Variants in SRGAP3 observed in about 807,000 individuals in gnomAD.
The protein encoded by SRGAP3 is SLIT-ROBO Rho GTPase activating protein 3, also known as SLIT-ROBO Rho GTPase-activating protein 3.
A neutral mutation model predicts 121.1 loss-of-function variants in SRGAP3; 39 were observed. The ratio of observed to expected loss-of-function variants is 0.32; its 90% confidence interval spans 0.25 to 0.42. The LOEUF is 0.42. Among genes scored for constraint, SRGAP3 ranks in the 10% least tolerant of loss-of-function variants. The pLI, the probability that SRGAP3 is intolerant of heterozygous loss-of-function variation, is 1.00. For synonymous variants in SRGAP3, 601 were observed against 570.0 expected, an observed-to-expected ratio of 1.05 and a Z score of -0.77; for missense variants, 1,213 against 1,470.6, an observed-to-expected ratio of 0.82 and a Z score of 2.86.
intron 2 of SRGAP3, among the ~76,000 whole-genome samples, chr3:9,114,441 A>G (rs73017502): frequency 0.068 from 10,346 of 152,170 alleles, 414 homozygotes; most frequent in African/African-American, 0.083. Flanking sequence ...CTCCATTACT[A>G]CTTTCTCCTT....
chr3:9,220,082 T>C (rs1289527256), intron 1 of SRGAP3, among the ~76,000 whole-genome samples: 1 of 152,032 alleles, frequency 6.6e-6, no homozygotes, highest in African/African-American at 2.4e-5. Flanking sequence ...TACAAACATA[T>C]ATTTAGATAG....
chr3:9,277,863 T>C (rs918417036), intron 3 of SRGAP3, among the ~76,000 whole-genome samples: 1 of 152,072 alleles, frequency 6.6e-6, no homozygotes, highest in Admixed American at 6.6e-5. Context: ...AATAAGATGA[T>C]AGTATTAGGA....
chr3:9,089,292 C>CGGGGGGGGGGGGGGGGGG (rs58674136), intron 3 of SRGAP3, among the ~76,000 whole-genome samples: 1 of 8,334 alleles, frequency 1.2e-4, no homozygotes, highest in Non-Finnish European at 5.1e-4. Context: ...GTGGGGTGGG[C>CGGGGGGGGGGGGGGGGGG]GGGGGGGGGG....
intron 12 of SRGAP3, among the ~76,000 whole-genome samples, chr3:9,032,072 T>C (rs1414457173): frequency 6.6e-6 from 1 of 152,160 alleles, no homozygotes; most frequent in Non-Finnish European, 1.5e-5. Flanking sequence ...AACCTAGAAT[T>C]CAAAAGGGAC....
chr3:9,254,947 G>GAAAGAA (rs751704868), intron 3 of SRGAP3, among the ~76,000 whole-genome samples: 83 of 146,832 alleles, frequency 5.7e-4, no homozygotes, highest in Non-Finnish European at 1.2e-3. Flanking sequence ...AAGAAAGAAA[G>GAAAGAA]AAAGAAAGAG....
At chr3:9,100,306 T>C (rs1383424543) in intron 3 of SRGAP3, among the ~76,000 whole-genome samples, 1 of 152,158 alleles carries the variant, frequency 6.6e-6, no homozygotes, top group Non-Finnish European at 1.5e-5. Flanking sequence ...AGCAGGCTCT[T>C]ATTCATCCGT....
Position 9,015,653 on chromosome 3 carries a change from C to T in SRGAP3, c.1757G>A (p.Gly586Glu). The change falls in exon 15 of 22, where the codon GGA becomes GAA. Residue 586 changes from glycine to glutamate, a missense_variant. Around this residue, in one of 2 missense-constraint regions of SRGAP3, gnomAD observed 793 missense variants for 1,032.9 expected, o/e 0.77. Coordinates refer to ENST00000383836, the MANE Select transcript of SRGAP3 (RefSeq NM_014850.4). The stretch of plus-strand genomic sequence containing the variant: ...CTTAGGAAAGAGTGGGTTTTCCAGT[C>T]CTCGGAAATACAGTTTTAAAACACC... ...VAGVLKLYFR[G>E]LENPLFPKER... 6.2e-7 allele frequency: 1 copy of T among 1,613,338 alleles called. No homozygotes were observed. Among genetic ancestry groups the T allele is most frequent in the Non-Finnish European group, 8.5e-7 (1 of 1,179,766 alleles).
intron 1 of SRGAP3, among the ~76,000 whole-genome samples, chr3:9,237,096 A>T (rs918816156): frequency 3.3e-5 from 5 of 152,192 alleles, no homozygotes; most frequent in African/African-American, 1.2e-4. Context: ...ATTACGTCTC[A>T]ATCAGGGTTT....
At chr3:9,104,500 C>T (rs926474992) in intron 3 of SRGAP3, among the ~76,000 whole-genome samples, 180 bp downstream of exon 3, 1 of 152,204 alleles carries the variant, frequency 6.6e-6, no homozygotes, top group Admixed American at 6.5e-5. Context: ...TTAAAAGGCA[C>T]ATCCAGGGTT....
chr3:9,337,023 T>G (rs1955705153), intron 1 of SRGAP3, among the ~76,000 whole-genome samples: 1 of 152,170 alleles, frequency 6.6e-6, no homozygotes, highest in African/African-American at 2.4e-5. Flanking sequence ...TGAGTCTGGC[T>G]GGCTGACAAT....
intron 12 of SRGAP3, among the ~76,000 whole-genome samples, chr3:9,027,416 T>G (rs1189533270): frequency 6.6e-6 from 1 of 152,200 alleles, no homozygotes; most frequent in Non-Finnish European, 1.5e-5. Flanking sequence ...ATTACTGCAG[T>G]ACCTGATGTC....
At chr3:9,183,593 G>C (rs767442524) in intron 1 of SRGAP3, among the ~76,000 whole-genome samples, 7 of 152,018 alleles carry the variant, frequency 4.6e-5, no homozygotes, top group African/African-American at 1.2e-4. Context: ...AGATGGCAAA[G>C]GCTTTCAATT....
At chr3:9,357,082 G>A (rs1454927856) in intron 1 of SRGAP3, among the ~76,000 whole-genome samples, 1 of 151,662 alleles carries the variant, frequency 6.6e-6, no homozygotes, top group Non-Finnish European at 1.5e-5. Flanking sequence ...GGGCAACATG[G>A]CAAAACCCCA....
chr3:9,037,283 A>G (rs1342091910), intron 11 of SRGAP3: 1 of 152,158 alleles, frequency 6.6e-6, no homozygotes, highest in African/African-American at 2.4e-5. Flanking sequence ...AGGCAGTGCA[A>G]TATCTCTTAA....
intron 1 of SRGAP3, among the ~76,000 whole-genome samples, chr3:9,247,519 T>C (rs936419786): frequency 1.3e-5 from 2 of 152,110 alleles, no homozygotes; most frequent in Admixed American, 6.5e-5. Flanking sequence ...CTCCCAAAGT[T>C]TCCCAAGCAT....
At chr3:9,051,089 C>T (rs1359390746) in intron 9 of SRGAP3, among the ~76,000 whole-genome samples, 2 of 123,688 alleles carry the variant, frequency 1.6e-5, no homozygotes, top group African/African-American at 6.1e-5. Context: ...TGCAGTGGTA[C>T]AATCACAGTT....
chr3:9,171,083 A>G (rs1033399258), intron 1 of SRGAP3, among the ~76,000 whole-genome samples: 1 of 152,160 alleles, frequency 6.6e-6, no homozygotes, highest in Non-Finnish European at 1.5e-5. Context: ...TGGGCCCCAC[A>G]ACAGAATATT....
At chr3:8,998,476 T>C (rs1942547622) in intron 18 of SRGAP3, among the ~76,000 whole-genome samples, 1 of 152,166 alleles carries the variant, frequency 6.6e-6, no homozygotes, top group Admixed American at 6.5e-5. Context: ...ATGGCACTTA[T>C]CACAACCTGA....
chr3:9,146,251 A>G (rs1440663583), intron 1 of SRGAP3, among the ~76,000 whole-genome samples: 1 of 152,204 alleles, frequency 6.6e-6, no homozygotes, highest in African/African-American at 2.4e-5. Flanking sequence ...CCATGCGTGG[A>G]GTGCCACAGG....
Sources: gnomAD v4.1 joint callset for allele counts (sites outside exome capture counted in the v4.1 genomes callset) on GRCh38, gnomAD v4.1.1 for gene constraint, gnomAD v4.1.1 regional missense constraint, MANE v1.5 for transcripts, NCBI Gene and HGNC (gene_info 2026-07-23, HGNC 2026-07-21) for gene names.